DOCK4: variants seen among roughly 807,000 people sequenced by gnomAD.
The protein encoded by DOCK4 is dedicator of cytokinesis 4, also known as dedicator of cytokinesis protein 4.
Under a neutral mutation model 268.1 loss-of-function variants are expected in DOCK4, and 97 were observed. The observed-to-expected ratio is 0.36, with a 90% confidence interval of 0.31 to 0.43. The LOEUF is 0.43. Among genes scored for constraint, DOCK4 ranks in the 20% least tolerant of loss-of-function variants. DOCK4 has a pLI of 1.00. For synonymous variants in DOCK4, 954 were observed against 887.2 expected, an observed-to-expected ratio of 1.08 and a Z score of -1.34; for missense variants, 2,145 against 2,455.7, an observed-to-expected ratio of 0.87 and a Z score of 2.67.
rs1213800717 is a variant in DOCK4 at position 111,755,517 on chromosome 7, C to A, written c.4414G>T (p.Val1472Leu). The A allele has an allele frequency of 4.5e-5, 72 of 1,613,838 alleles. No individual in the cohort carries two copies. Among genetic ancestry groups the A allele is most frequent in the Non-Finnish European group, 5.7e-5 (67 of 1,179,882 alleles). ...TGAGAACAAGCTCTGATCCTTACCA[C>A]TTCACGCTTTTCCACTTCAAACCAG... ...SRWFEVEKREVVEMSPLENAI... is the reference protein window; with the variant it reads ...SRWFEVEKRELVEMSPLENAI... The change falls in exon 42 of 53, where the codon GTG (valine) becomes TTG (leucine). Residue 1472 changes from valine to leucine, a missense_variant and splice_region_variant. Physicochemically the swap from Val to Leu is conservative, Grantham distance 32. Around this residue, in one of 2 missense-constraint regions of DOCK4, gnomAD observed 1,598 missense variants for 1,986.7 expected, o/e 0.80. Transcript: ENST00000428084.
chr7:112,020,631 T>C (rs1393347999), intron 1 of DOCK4, among the ~76,000 whole-genome samples: 1 of 140,352 alleles, frequency 7.1e-6, no homozygotes, highest in Non-Finnish European at 1.5e-5. Context: ...GCACAGAAGA[T>C]AGGCCAAAAC....
intron 36 of DOCK4, among the ~76,000 whole-genome samples, chr7:111,772,869 T>A (rs1326961890): frequency 6.6e-6 from 1 of 152,094 alleles, no homozygotes; most frequent in Non-Finnish European, 1.5e-5. Flanking sequence ...GCTTTCCCAA[T>A]CAGCTTGCCC....
chr7:111,818,194 C>G (rs1801701185), intron 27 of DOCK4, among the ~76,000 whole-genome samples: 6 of 152,204 alleles, frequency 3.9e-5, no homozygotes, highest in Admixed American at 3.9e-4. Context: ...TCAGTCTGCA[C>G]TTTCTTCCTC....
At chr7:112,150,393 G>C (rs1815946062) in intron 1 of DOCK4, among the ~76,000 whole-genome samples, 1 of 152,148 alleles carries the variant, frequency 6.6e-6, no homozygotes, top group African/African-American at 2.4e-5. Context: ...CTGCCAACAT[G>C]CCGCTCCAAG....
intron 39 of DOCK4, among the ~76,000 whole-genome samples, chr7:111,763,883 G>C (rs1665258772): frequency 6.6e-6 from 1 of 152,076 alleles, no homozygotes; most frequent in Admixed American, 6.6e-5. Flanking sequence ...TCATTTTCTG[G>C]GGGTCTTGCT....
rs1331621740 is a variant in DOCK4, at chr7:111,896,617, T to G, written c.1481-899A>C. ...AGCCAGCAGCCTGTTAAGGGCTGGA[T>G]GGTTACTCTTTCACAAGTGGAGCAT... On this transcript the variant is annotated intron_variant, in intron 15 of 52. Coordinates refer to ENST00000428084, the MANE Select transcript of DOCK4 (RefSeq NM_001363540.2). Among the ~76,000 whole-genome samples, 3 of 151,936 alleles carry G rather than the reference T, an allele frequency of 2.0e-5. No individual in the cohort carries two copies. The East Asian group carries it at 5.8e-4, about 29-fold the overall frequency.
intron 1 of DOCK4, among the ~76,000 whole-genome samples, chr7:112,205,828 A>G (rs1821357413): frequency 6.6e-6 from 1 of 152,132 alleles, no homozygotes; most frequent in African/African-American, 2.4e-5. Flanking sequence ...CTCCGCAGGC[A>G]GAGCCCGAAG....
intron 1 of DOCK4, among the ~76,000 whole-genome samples, chr7:112,150,794 C>T (rs1815984916): frequency 1.3e-5 from 2 of 152,258 alleles, no homozygotes; most frequent in South Asian, 2.1e-4. Flanking sequence ...GACCATGGTC[C>T]CTTCTTAGGA....
chr7:111,731,209 G>A (rs537994370), intron 52 of DOCK4, among the ~76,000 whole-genome samples: 1 of 152,302 alleles, frequency 6.6e-6, no homozygotes, highest in Middle Eastern at 3.4e-3. Context: ...AGAAATTCTG[G>A]CAATGCAAGG....
At chr7:112,160,757 A>G (rs915733611) in intron 1 of DOCK4, among the ~76,000 whole-genome samples, 2 of 152,180 alleles carry the variant, frequency 1.3e-5, no homozygotes, top group African/African-American at 4.8e-5. Context: ...CTTTCTATAC[A>G]CTTATCTTTC....
At chr7:112,012,182 C>CCAAA (rs1801388237) in intron 1 of DOCK4, among the ~76,000 whole-genome samples, 1 of 151,940 alleles carries the variant, frequency 6.6e-6, no homozygotes, top group Admixed American at 6.6e-5. Context: ...GATTCAAAAG[C>CCAAA]CAAAATAAGC....
chr7:111,765,268 G>A (rs961938719), intron 38 of DOCK4, 46 bp from the exon 39 acceptor site: 8 of 1,064,992 alleles, frequency 7.5e-6, no homozygotes, highest in African/African-American at 1.7e-5. Flanking sequence ...TCATCTTTCG[G>A]TTCTATCAAA....
chr7:111,867,105 T>G (rs767373195), intron 22 of DOCK4, among the ~76,000 whole-genome samples: 1 of 152,194 alleles, frequency 6.6e-6, no homozygotes, highest in Non-Finnish European at 1.5e-5. Context: ...GGAACAAGAA[T>G]AGACCTCTCA....
intron 1 of DOCK4, among the ~76,000 whole-genome samples, chr7:112,036,558 A>G (rs968223169): frequency 2.6e-5 from 4 of 152,132 alleles, no homozygotes; most frequent in African/African-American, 9.7e-5. Context: ...GTTGAGATAT[A>G]TATAACAAAG....
intron 1 of DOCK4, among the ~76,000 whole-genome samples, chr7:112,040,898 C>T (rs10247033): frequency 0.26 from 39,128 of 152,074 alleles, 10,217 homozygotes; most frequent in African/African-American, 0.66. Flanking sequence ...TGTCAAAATA[C>T]ATGCAATGTC....
chr7:112,045,361 T>C (rs1397879985), intron 1 of DOCK4, among the ~76,000 whole-genome samples: 1 of 152,126 alleles, frequency 6.6e-6, no homozygotes, highest in Non-Finnish European at 1.5e-5. Context: ...ATTTTCTTAC[T>C]CTAATTTATC....
intron 1 of DOCK4, among the ~76,000 whole-genome samples, chr7:112,173,864 C>A (rs117883659): frequency 0.029 from 4,415 of 152,176 alleles, 143 homozygotes; most frequent in Admixed American, 0.091. Flanking sequence ...CATAAGAGAG[C>A]AAGCAGAATA....
chr7:111,907,911 TA>T (rs1303139196), intron 13 of DOCK4, among the ~76,000 whole-genome samples: 1 of 152,044 alleles, frequency 6.6e-6, no homozygotes, highest in Non-Finnish European at 1.5e-5. Flanking sequence ...GTATTTTTTG[TA>T]AAGACAGGGT....
intron 1 of DOCK4, among the ~76,000 whole-genome samples, chr7:112,103,355 G>A (rs146053533): frequency 2.6e-5 from 4 of 152,110 alleles, no homozygotes; most frequent in East Asian, 1.9e-4. Flanking sequence ...ACTGGAGCCC[G>A]GAGAAGTCCT....
Sources: allele counts gnomAD v4.1 joint callset (sites outside exome capture counted in the v4.1 genomes callset), GRCh38; gene constraint gnomAD v4.1.1; regional missense constraint gnomAD v4.1.1; transcripts MANE v1.5; gene names NCBI Gene and HGNC (gene_info 2026-07-23, HGNC 2026-07-21).